Variants in EPHB1 observed in about 807,000 individuals in gnomAD.
EPHB1 encodes the protein ephrin type-B receptor 1.
EPHB1 carries 30 observed loss-of-function variants against 94.4 expected under a neutral mutation model. That is an observed-to-expected ratio of 0.32 (90% CI 0.24 to 0.43). The LOEUF is 0.43. Among genes scored for constraint, EPHB1 ranks in the 20% least tolerant of loss-of-function variants. EPHB1 has a pLI of 1.00. For synonymous variants in EPHB1, 522 were observed against 489.1 expected (o/e 1.07, Z -0.89); for missense variants, 1,055 against 1,308.3 (o/e 0.81, Z 2.99).
In EPHB1 at chr3:134,834,011, A is replaced by C. The variant is rs115414365; in HGVS notation, c.58+38322A>C. 5.3e-3 allele frequency among the ~76,000 whole-genome samples: 807 copies of C among 152,250 alleles called. 6 individuals carry two copies. Among genetic ancestry groups the C allele is most frequent in the African/African-American group, 0.018 (764 of 41,560 alleles). Reference sequence around the variant, plus strand: ...GTTTTAGGCAAATTTACCTGTAAGAAAGCTGCCCTGACACTTGGGTGGTGG... The same window carrying C: ...GTTTTAGGCAAATTTACCTGTAAGACAGCTGCCCTGACACTTGGGTGGTGG... On this transcript the variant is annotated intron_variant, in intron 1 of 15. Transcript: ENST00000398015.
chr3:135,234,701 C>A (rs28454689), intron 12 of EPHB1, among the ~76,000 whole-genome samples: 18,164 of 152,178 alleles, frequency 0.12, 1,364 homozygotes, highest in East Asian at 0.23. Flanking sequence ...GAAGGGGAAG[C>A]AAACTTGTCC....
At chr3:135,204,881 C>CTTTTTTTT (rs71624063) in intron 12 of EPHB1, among the ~76,000 whole-genome samples, 5 of 73,916 alleles carry the variant, frequency 6.8e-5, no homozygotes, top group African/African-American at 1.8e-4. Context: ...AGGTTTTATT[C>CTTTTTTTT]TTTTTTTTTT....
chr3:135,088,460 G>C (rs1335382951), intron 3 of EPHB1, among the ~76,000 whole-genome samples: 1 of 152,190 alleles, frequency 6.6e-6, no homozygotes, highest in Non-Finnish European at 1.5e-5. Flanking sequence ...AGATAATTGT[G>C]GGTTTTAAAA....
At chr3:134,804,681 A>T (rs918244031) in intron 1 of EPHB1, among the ~76,000 whole-genome samples, 4 of 152,088 alleles carry the variant, frequency 2.6e-5, no homozygotes, top group Non-Finnish European at 5.9e-5. Flanking sequence ...TTCTCTGTGG[A>T]CTGTGTCCTG....
At chr3:134,938,085 T>A (rs903842612) in intron 2 of EPHB1, among the ~76,000 whole-genome samples, 5 of 152,108 alleles carry the variant, frequency 3.3e-5, no homozygotes, top group African/African-American at 4.8e-5. Context: ...GGAGGTGTTT[T>A]AAATCTCAAC....
At chr3:134,805,162 C>T (rs568560273) in intron 1 of EPHB1, among the ~76,000 whole-genome samples, 1 of 152,294 alleles carries the variant, frequency 6.6e-6, no homozygotes, top group South Asian at 2.1e-4. Context: ...CACGTGAATT[C>T]TTGGTGCTGA....
chr3:134,875,461 C>T (rs1257414496), intron 1 of EPHB1, among the ~76,000 whole-genome samples: 1 of 152,126 alleles, frequency 6.6e-6, no homozygotes, highest in Non-Finnish European at 1.5e-5. Flanking sequence ...ACTTATGGAA[C>T]TGCAGGGAGT....
chr3:134,804,699 T>A (rs1237275283), intron 1 of EPHB1, among the ~76,000 whole-genome samples: 1 of 152,238 alleles, frequency 6.6e-6, no homozygotes, highest in African/African-American at 2.4e-5. Context: ...CTGCTTACCC[T>A]TGGCCTGGGG....
At chr3:134,902,275 G>A (rs1004078085) in intron 1 of EPHB1, among the ~76,000 whole-genome samples, 1 of 152,106 alleles carries the variant, frequency 6.6e-6, no homozygotes, top group Non-Finnish European at 1.5e-5. Context: ...GGACAGAGAA[G>A]AAGTGATAGA....
chr3:134,857,555 G>C (rs2037150156), intron 1 of EPHB1, among the ~76,000 whole-genome samples: 1 of 152,128 alleles, frequency 6.6e-6, no homozygotes. Flanking sequence ...CCTCTGAGCA[G>C]GGTAAAGGAA....
At chr3:134,819,226 T>A (rs1196167699) in intron 1 of EPHB1, among the ~76,000 whole-genome samples, 1 of 152,182 alleles carries the variant, frequency 6.6e-6, no homozygotes, top group African/African-American at 2.4e-5. Flanking sequence ...CACTATCACT[T>A]CCATAATCAG....
chr3:135,167,847 C>T (rs1030378745), intron 9 of EPHB1, among the ~76,000 whole-genome samples: 5 of 152,192 alleles, frequency 3.3e-5, no homozygotes, highest in Non-Finnish European at 7.3e-5. Context: ...CTCATCTCAC[C>T]TCAACCCCCT....
chr3:134,989,562 T>C (rs1934720467), intron 3 of EPHB1, among the ~76,000 whole-genome samples: 1 of 152,130 alleles, frequency 6.6e-6, no homozygotes, highest in Admixed American at 6.5e-5. Context: ...ACTACTATTG[T>C]TAAATTTAGG....
At chr3:134,893,261 T>C (rs2038022847) in intron 1 of EPHB1, among the ~76,000 whole-genome samples, 2 of 152,320 alleles carry the variant, frequency 1.3e-5, no homozygotes, top group South Asian at 4.1e-4. Flanking sequence ...GGAATGCTCC[T>C]AAAGACTGAA....
intron 3 of EPHB1, among the ~76,000 whole-genome samples, chr3:135,081,572 A>C (rs575361202): frequency 6.6e-6 from 1 of 152,306 alleles, no homozygotes; most frequent in East Asian, 1.9e-4. Context: ...CATGTCTGCC[A>C]AAACCCATGG....
At chr3:134,882,814 C>CTTTCTTTCTTTCTTTCTTTCTTTCTTTCT (rs755049842) in intron 1 of EPHB1, among the ~76,000 whole-genome samples, 24 of 93,166 alleles carry the variant, frequency 2.6e-4, no homozygotes, top group South Asian at 8.8e-4. Flanking sequence ...TTCTTTCTTT[C>CTTTCTTTCTTTCTTTCTTTCTTTCTTTCT]TTTCTTTCTT....
At chr3:135,010,564 T>G (rs1353526241) in intron 3 of EPHB1, among the ~76,000 whole-genome samples, 1 of 128,584 alleles carries the variant, frequency 7.8e-6, no homozygotes, top group African/African-American at 3.5e-5. Flanking sequence ...TTCTGTTTTT[T>G]TTTTTTTTTT....
intron 3 of EPHB1, among the ~76,000 whole-genome samples, chr3:134,987,587 G>A (rs906955659): frequency 2.6e-5 from 4 of 152,166 alleles, no homozygotes; most frequent in South Asian, 4.2e-4. Flanking sequence ...GTGAAACCTC[G>A]TCTCTACTAA....
chr3:135,200,920 A>G (rs971778341), intron 11 of EPHB1, among the ~76,000 whole-genome samples: 1 of 152,182 alleles, frequency 6.6e-6, no homozygotes, highest in African/African-American at 2.4e-5. Flanking sequence ...GCCCTAAGGC[A>G]GGAAGAGTTT....
Sources: gnomAD v4.1 joint callset for allele counts (sites outside exome capture counted in the v4.1 genomes callset) on GRCh38, gnomAD v4.1.1 for gene constraint, MANE v1.5 for transcripts, NCBI Gene and HGNC (gene_info 2026-07-23, HGNC 2026-07-21) for gene names.